DENND4A: variants seen among roughly 807,000 people sequenced by gnomAD.
DENND4A encodes the protein C-myc promoter-binding protein.
DENND4A carries 70 observed loss-of-function variants against 199.3 expected under a neutral mutation model. That is an observed-to-expected ratio of 0.35 (90% CI 0.29 to 0.43). DENND4A has a LOEUF of 0.43. Ranked by LOEUF, DENND4A falls within the 20% of genes least tolerant of loss-of-function variation. DENND4A has a pLI of 1.00. For synonymous variants in DENND4A, 686 were observed against 766.9 expected (o/e 0.89, Z 1.74); for missense variants, 1,723 against 2,255.8 (o/e 0.76, Z 4.78).
chr15:65,659,424 C>T lies in DENND4A; in HGVS notation c.*2427G>A, dbSNP rs986836194. ...TCACAGCTCATTGCAGCCCCAAACC[C>T]CCAGGCTCAAAGTGATCCTCCTGCT... On this transcript the variant is annotated 3_prime_UTR_variant, in exon 33 of 33. Coordinates refer to ENST00000443035, the MANE Select transcript of DENND4A (RefSeq NM_001320835.1). 6.8e-6 allele frequency: 1 copy of T among 147,812 alleles called. No homozygotes were observed. The highest frequency in any genetic ancestry group is 2.5e-5 in the African/African-American group (1 of 39,858). The allele number at this position is 147,812 out of a possible 1,614,324, so 9.2% of individuals were successfully genotyped here.
At chr15:65,667,852 A>T in intron 28 of DENND4A, 73 bp downstream of exon 28, 2 of 1,527,596 alleles carry the variant, frequency 1.3e-6, no homozygotes, top group Non-Finnish European at 1.8e-6. Flanking sequence ...TAATAAGACT[A>T]CTTAAGACAA....
At chr15:65,696,008 G>C (rs1187335042) in intron 22 of DENND4A, among the ~76,000 whole-genome samples, 1 of 151,932 alleles carries the variant, frequency 6.6e-6, no homozygotes, top group Non-Finnish European at 1.5e-5. Flanking sequence ...GGAAAAACAG[G>C]AATAATATGA....
At chr15:65,735,340 T>C (rs540071386) in intron 7 of DENND4A, among the ~76,000 whole-genome samples, 18 of 152,282 alleles carry the variant, frequency 1.2e-4, no homozygotes, top group African/African-American at 4.3e-4. Flanking sequence ...ATCACGCCAC[T>C]ATACTCCAGC....
Position 65,691,089 on chromosome 15 carries a change from C to G in DENND4A, c.3505G>C (p.Asp1169His). ...GATACATCTGTTTCACTGTCTAAGTCTTCTAAGTCAAAAATAACAGGAGAA... is the reference window on the plus strand; with the variant it reads ...GATACATCTGTTTCACTGTCTAAGTGTTCTAAGTCAAAAATAACAGGAGAA... ...VDSPVIFDLE[D>H]LDSETDVSKA... Residue 1169 changes from aspartate to histidine, a missense_variant, in exon 23 of 33, where the codon GAC (aspartate) becomes CAC (histidine). By Grantham distance (81) the Asp-to-His change is moderately conservative. This residue lies in a region of DENND4A where 650 missense variants were observed against 738.1 expected (regional missense o/e 0.88). Coordinates refer to ENST00000443035, the MANE Select transcript of DENND4A (RefSeq NM_001320835.1). The G allele has an allele frequency of 1.9e-6, 3 of 1,613,224 alleles. No homozygotes were observed. The highest frequency in any genetic ancestry group is 2.5e-6 in the Non-Finnish European group (3 of 1,179,620).
intron 1 of DENND4A, among the ~76,000 whole-genome samples, chr15:65,789,598 G>A (rs2077660754): frequency 6.6e-6 from 1 of 150,868 alleles, no homozygotes; most frequent in East Asian, 1.9e-4. Context: ...ATCCCACAAA[G>A]ATAAGTCTCT....
intron 12 of DENND4A, among the ~76,000 whole-genome samples, chr15:65,720,947 T>TTATATATATATATATATA (rs72498783): frequency 0.011 from 868 of 75,698 alleles, 26 homozygotes; most frequent in South Asian, 0.016. Context: ...GTTTCATTGA[T>TTATATATATATATATATA]TATATATATA....
In DENND4A at chr15:65,713,426, G is replaced by A. The variant is rs542031236; in HGVS notation, c.1953+2052C>T. Among the ~76,000 whole-genome samples the A allele has an allele frequency of 7.9e-5, 12 of 152,282 alleles. No individual in the cohort carries two copies. In the South Asian group the frequency reaches 8.3e-4, roughly 11 times the overall value. Reference sequence around the variant, plus strand: ...GAGGAACACAATGTTGACTTGTCCCGTTACAGATGATGTTCATTTTGATAA... The same window carrying A: ...GAGGAACACAATGTTGACTTGTCCCATTACAGATGATGTTCATTTTGATAA... On this transcript the variant is annotated intron_variant, in intron 14 of 32. Transcript: ENST00000443035.
At chr15:65,768,204 T>A (rs1013598137) in intron 1 of DENND4A, among the ~76,000 whole-genome samples, 3 of 152,152 alleles carry the variant, frequency 2.0e-5, no homozygotes, top group East Asian at 1.9e-4. Context: ...GGTTTTGCCA[T>A]GTTGCCCAGG....
intron 23 of DENND4A, among the ~76,000 whole-genome samples, chr15:65,684,154 G>C (rs977892730): frequency 1.1e-4 from 16 of 151,922 alleles, no homozygotes; most frequent in African/African-American, 3.6e-4. Context: ...TCCACTTTTT[G>C]GCTTTTATGA....
intron 5 of DENND4A, among the ~76,000 whole-genome samples, chr15:65,740,139 C>A (rs922290592): frequency 1.3e-5 from 2 of 151,984 alleles, no homozygotes; most frequent in African/African-American, 4.8e-5. Context: ...CAAGATCGTG[C>A]CACTGCACTC....
intron 1 of DENND4A, among the ~76,000 whole-genome samples, chr15:65,775,570 G>A (rs1042821674): frequency 6.9e-6 from 1 of 144,428 alleles, no homozygotes; most frequent in African/African-American, 2.6e-5. Flanking sequence ...GAACCTGGGA[G>A]GTGAAGGTTG....
intron 32 of DENND4A, among the ~76,000 whole-genome samples, chr15:65,664,126 T>C (rs1031940175): frequency 6.6e-6 from 1 of 152,106 alleles, no homozygotes; most frequent in African/African-American, 2.4e-5. Context: ...TCCAGAACAT[T>C]TTCATCTCAC....
At position 65,771,193 on chromosome 15, in the gene DENND4A, G is replaced by T. The variant is rs2727100; in HGVS notation, c.-101-9755C>A. 4 of 1,604,182 alleles carry T rather than the reference G, an allele frequency of 2.5e-6. No individual in the cohort carries two copies. The African/African-American group carries it at 4.0e-5, about 16-fold the overall frequency. On this transcript the variant is annotated intron_variant, in intron 1 of 32. Coordinates refer to ENST00000443035, the MANE Select transcript of DENND4A (RefSeq NM_001320835.1). ...CAGTTCATCCTCCTTTATAAAGACC[G>T]GTAAGCCGCTCTAATTCTTTACAGT...
chr15:65,717,855 T>C lies in DENND4A; in HGVS notation c.1730A>G (p.Tyr577Cys). ...LFFMASILKG[Y>C]RSYLRPITQA... ...TGTTATTGGCCTTAAGTATGATCTG[T>C]AACCTTTTAAAATAGAGGCCATGAA... is the stretch of plus-strand genomic sequence containing the variant. The change falls in exon 13 of 33, where the codon TAC (tyrosine) becomes TGC (cysteine). Residue 577 changes from tyrosine to cysteine, a missense_variant. By Grantham distance (194) the Tyr-to-Cys change is radical. This residue lies in a region of DENND4A where 725 missense variants were observed against 952.9 expected (regional missense o/e 0.76). Coordinates refer to ENST00000443035, the MANE Select transcript of DENND4A (RefSeq NM_001320835.1). The C allele has an allele frequency of 1.2e-6, 2 of 1,604,058 alleles. No homozygotes were observed. The highest frequency in any genetic ancestry group is 1.7e-6 in the Non-Finnish European group (2 of 1,174,606).
chr15:65,743,325 T>G (rs1240908575), intron 4 of DENND4A, among the ~76,000 whole-genome samples: 1 of 152,206 alleles, frequency 6.6e-6, no homozygotes, highest in Non-Finnish European at 1.5e-5. Flanking sequence ...GACACACCAT[T>G]TTCCTTATTG....
Position 65,763,832 on chromosome 15 carries a change from A to G in DENND4A, c.-101-2394T>C, listed in dbSNP as rs896386652. ...TGTATTTTTAAAATGAGGATGCCAA[A>G]AGTTCCCTGAAAAAATTTCAGGGAG... On this transcript the variant is annotated intron_variant, in intron 1 of 32. Transcript: ENST00000443035. Among the ~76,000 whole-genome samples, 49 of 152,172 alleles carry G rather than the reference A, an allele frequency of 3.2e-4. 1 individual carries two copies. Among genetic ancestry groups the G allele is most frequent in the African/African-American group, 1.2e-3 (49 of 41,442 alleles).
intron 1 of DENND4A, among the ~76,000 whole-genome samples, chr15:65,772,337 CTA>C (rs1460020868): frequency 1.3e-5 from 2 of 152,108 alleles, no homozygotes. Flanking sequence ...AACTCCCTTT[CTA>C]TGTTTAGAAA....
chr15:65,684,876 G>A lies in DENND4A; in HGVS notation c.4179+5539C>T, dbSNP rs568968253. Among the ~76,000 whole-genome samples, 439 of 140,796 alleles carry A rather than the reference G, an allele frequency of 3.1e-3. 1 individual carries two copies. The highest frequency in any genetic ancestry group is 8.5e-3 in the Middle Eastern group (2 of 236). The allele number at this position is 140,796 out of a possible 152,430, so 92.4% of individuals were successfully genotyped here. ...TTTTGCTCTTGTTGCTGAAGCTGGCGTGCAATGGCGCGATCTTGGCTCACC... is the reference window on the plus strand; with the variant it reads ...TTTTGCTCTTGTTGCTGAAGCTGGCATGCAATGGCGCGATCTTGGCTCACC... On this transcript the variant is annotated intron_variant, in intron 23 of 32. Coordinates refer to ENST00000443035, the MANE Select transcript of DENND4A (RefSeq NM_001320835.1).
chr15:65,783,783 TATGAGTCCATACATATATAAATAA>T (rs1441897148), intron 1 of DENND4A, among the ~76,000 whole-genome samples: 1 of 152,180 alleles, frequency 6.6e-6, no homozygotes, highest in Non-Finnish European at 1.5e-5. Flanking sequence ...AATAACCATC[TATGAGTCCATACATATATAAATAA>T]ATGATTGAAT....
Sources: allele counts gnomAD v4.1 joint callset (sites outside exome capture counted in the v4.1 genomes callset), GRCh38; gene constraint gnomAD v4.1.1; regional missense constraint gnomAD v4.1.1; transcripts MANE v1.5; gene names NCBI Gene and HGNC (gene_info 2026-07-23, HGNC 2026-07-21).